Variants in ITFG1 observed in about 807,000 individuals in gnomAD.
ITFG1 encodes T-cell immunomodulatory protein.
In ITFG1, 34 loss-of-function variants were observed where a neutral mutation model predicts 81.8. The ratio of observed to expected loss-of-function variants is 0.42; its 90% CI spans 0.32 to 0.55. The LOEUF (loss-of-function observed/expected upper bound fraction) is 0.55. Ranked by LOEUF, ITFG1 falls within the 20% of genes least tolerant of loss-of-function variation. The pLI is 0.17. For missense variants in ITFG1, 672 were observed against 755.4 expected (o/e 0.89, Z 1.29); for synonymous variants, 285 against 270.6 (o/e 1.05, Z -0.52).
intron 14 of ITFG1, among the ~76,000 whole-genome samples, chr16:47,215,898 G>A (rs1234793871): frequency 6.6e-6 from 1 of 151,576 alleles, no homozygotes; most frequent in Non-Finnish European, 1.5e-5. Flanking sequence ...TTTGATTTAT[G>A]CACTCAACTG....
chr16:47,155,561 G>A lies in ITFG1; in HGVS notation c.*158C>T, dbSNP rs1596768737. ...AGTGCTTTAAAAAAAAAGACCTTGT[G>A]ACATATTCAAACCATATTTATTTGA... On this transcript the variant is annotated 3_prime_UTR_variant, in exon 18 of 18. Coordinates refer to ENST00000320640, the MANE Select transcript of ITFG1 (RefSeq NM_030790.5). 3 of 557,798 alleles carry A rather than the reference G, an allele frequency of 5.4e-6. No individual in the cohort carries two copies. The East Asian group carries it at 9.2e-5, about 17-fold the overall frequency. 34.6% of individuals were successfully genotyped at this position (557,798 alleles called of 1,614,324 possible).
chr16:47,410,540 G>C (rs1206064856), intron 6 of ITFG1, among the ~76,000 whole-genome samples: 1 of 152,018 alleles, frequency 6.6e-6, no homozygotes, highest in African/African-American at 2.4e-5. Context: ...TCTTTTGAGA[G>C]AAAACACTGA....
intron 14 of ITFG1, chr16:47,201,943 C>A (rs1271937411): frequency 1.3e-5 from 2 of 152,120 alleles, no homozygotes; most frequent in Non-Finnish European, 2.9e-5. Context: ...TATGTTTAAA[C>A]CTTTTCCATG....
intron 10 of ITFG1, among the ~76,000 whole-genome samples, chr16:47,267,752 A>G (rs1297524903): frequency 6.6e-6 from 1 of 152,172 alleles, no homozygotes; most frequent in African/African-American, 2.4e-5. Context: ...AATAACAGTT[A>G]TTTCAAAAAT....
intron 6 of ITFG1, among the ~76,000 whole-genome samples, chr16:47,378,393 G>T (rs1968353881): frequency 6.6e-6 from 1 of 152,214 alleles, no homozygotes; most frequent in South Asian, 2.1e-4. Flanking sequence ...GTTAAGATAT[G>T]GTTAAGGGGG....
intron 6 of ITFG1, among the ~76,000 whole-genome samples, chr16:47,397,023 T>C (rs1968602419): frequency 6.6e-6 from 1 of 151,988 alleles, no homozygotes; most frequent in African/African-American, 2.4e-5. Context: ...TAGATGCTAG[T>C]AATAAAAAAA....
At chr16:47,412,695 C>CA (rs34669796) in intron 6 of ITFG1, among the ~76,000 whole-genome samples, 70 of 106,096 alleles carry the variant, frequency 6.6e-4, no homozygotes, top group African/African-American at 1.3e-3. Context: ...GACTCTGTCT[C>CA]AAAAAAAAAA....
At chr16:47,338,915 A>G (rs902402036) in intron 8 of ITFG1, among the ~76,000 whole-genome samples, 9 of 152,204 alleles carry the variant, frequency 5.9e-5, no homozygotes, top group East Asian at 3.9e-4. Flanking sequence ...CATTCTTTCT[A>G]TTTGTTTTTG....
At chr16:47,319,000 A>T (rs887084695) in intron 8 of ITFG1, among the ~76,000 whole-genome samples, 1 of 152,198 alleles carries the variant, frequency 6.6e-6, no homozygotes, top group Non-Finnish European at 1.5e-5. Flanking sequence ...ATCTAAAGCC[A>T]TATCAATGAA....
intron 14 of ITFG1, among the ~76,000 whole-genome samples, chr16:47,200,832 A>G (rs1278545955): frequency 3.9e-5 from 6 of 152,184 alleles, no homozygotes; most frequent in Admixed American, 2.0e-4. Flanking sequence ...TTAACTCTCT[A>G]GGTGATTTGA....
At chr16:47,326,216 C>A (rs1392539643) in intron 8 of ITFG1, among the ~76,000 whole-genome samples, 1 of 152,102 alleles carries the variant, frequency 6.6e-6, no homozygotes, top group Admixed American at 6.6e-5. Context: ...GAACCAAAGA[C>A]AAAAACCACA....
At chr16:47,353,277 C>T (rs1324269713) in intron 8 of ITFG1, among the ~76,000 whole-genome samples, 1 of 151,794 alleles carries the variant, frequency 6.6e-6, no homozygotes, top group Non-Finnish European at 1.5e-5. Flanking sequence ...AAAAATGGTT[C>T]AATATACACA....
At chr16:47,392,162 C>T (rs1323643899) in intron 6 of ITFG1, among the ~76,000 whole-genome samples, 1 of 151,970 alleles carries the variant, frequency 6.6e-6, no homozygotes, top group East Asian at 1.9e-4. Flanking sequence ...GCCTGTAATC[C>T]CAGCGCTTTG....
chr16:47,223,985 T>C (rs1167550565), intron 13 of ITFG1, among the ~76,000 whole-genome samples: 4 of 146,230 alleles, frequency 2.7e-5, no homozygotes, highest in Non-Finnish European at 5.9e-5. Context: ...AAACACCGCA[T>C]AGTCTCACTC....
chr16:47,404,582 CTT>C (rs1265462359), intron 6 of ITFG1, among the ~76,000 whole-genome samples: 2 of 152,118 alleles, frequency 1.3e-5, no homozygotes, highest in Non-Finnish European at 2.9e-5. Flanking sequence ...ACAAAGGTTA[CTT>C]TCTTTTTATT....
At chr16:47,209,443 A>G (rs1490804096) in intron 14 of ITFG1, among the ~76,000 whole-genome samples, 2 of 152,198 alleles carry the variant, frequency 1.3e-5, no homozygotes, top group Non-Finnish European at 2.9e-5. Context: ...TACAGATACT[A>G]TTTTTACCAC....
intron 2 of ITFG1, among the ~76,000 whole-genome samples, chr16:47,454,723 T>G (rs1969430865): frequency 6.6e-6 from 1 of 152,122 alleles, no homozygotes; most frequent in African/African-American, 2.4e-5. Context: ...TAACTTTATA[T>G]GTATATTTTT....
At chr16:47,365,352 T>C (rs1337868668) in intron 8 of ITFG1, among the ~76,000 whole-genome samples, 1 of 152,204 alleles carries the variant, frequency 6.6e-6, no homozygotes, top group Non-Finnish European at 1.5e-5. Context: ...ATGTCCTCTT[T>C]TGGGTAATTC....
At chr16:47,191,204 G>C (rs1416875439) in intron 14 of ITFG1, among the ~76,000 whole-genome samples, 2 of 152,126 alleles carry the variant, frequency 1.3e-5, no homozygotes, top group African/African-American at 4.8e-5. Context: ...AGTTTGGGGA[G>C]TTTCAGTTGA....
Sources: allele counts gnomAD v4.1 joint callset (sites outside exome capture counted in the v4.1 genomes callset), GRCh38; gene constraint gnomAD v4.1.1; transcripts MANE v1.5; gene names NCBI Gene and HGNC (gene_info 2026-07-23, HGNC 2026-07-21).